The following FHOD3 variants were observed in gnomAD, a reference collection of about 807,000 sequenced individuals.
The protein encoded by FHOD3 is FH1/FH2 domain-containing protein 3.
A neutral mutation model predicts 173.0 loss-of-function variants in FHOD3; 90 were observed. The ratio of observed to expected loss-of-function variants is 0.52; its 90% confidence interval spans 0.44 to 0.62. The LOEUF (loss-of-function observed/expected upper bound fraction) is 0.62. FHOD3 is among the 20% of genes least tolerant of loss of function. FHOD3 has a pLI of 0.00. For synonymous variants in FHOD3, 828 were observed against 823.0 expected (o/e 1.01, Z -0.10); for missense variants, 1,945 against 2,034.7 (o/e 0.96, Z 0.85).
At chr18:36,638,199 C>T (rs2035028360) in intron 10 of FHOD3, among the ~76,000 whole-genome samples, 1 of 152,170 alleles carries the variant, frequency 6.6e-6, no homozygotes, top group East Asian at 1.9e-4. Context: ...CAGAAAACCT[C>T]CTCAGGCATT....
intron 3 of FHOD3, among the ~76,000 whole-genome samples, chr18:36,403,860 A>C (rs773068695): frequency 6.6e-6 from 1 of 152,176 alleles, no homozygotes; most frequent in Non-Finnish European, 1.5e-5. Flanking sequence ...GGTGTCCTTT[A>C]AAAGTTTTTC....
rs1360946706 is a variant in FHOD3, at chr18:36,499,834, G to A, written c.338-2098G>A. The stretch of plus-strand genomic sequence containing the variant: ...CTAGGCTCCTACTTTTTAGAAAGGT[G>A]ATGCATTTTTCTCTTAATCACAACT... On this transcript the variant is annotated intron_variant, in intron 3 of 28. Transcript: ENST00000590592. Among the ~76,000 whole-genome samples, 4 of 152,080 alleles carry A rather than the reference G, an allele frequency of 2.6e-5. No homozygotes were observed. In the East Asian group the frequency reaches 7.7e-4, roughly 29 times the overall value.
chr18:36,385,198 T>C lies in FHOD3; in HGVS notation c.337+12454T>C, dbSNP rs570940914. Among the ~76,000 whole-genome samples, 10 of 152,362 alleles carry C rather than the reference T, an allele frequency of 6.6e-5. No homozygotes were observed. In the East Asian group the frequency reaches 1.7e-3, roughly 26 times the overall value. ...ACCAAGTAACGCCCAATTAATGTGT[T>C]TAAAATGTGTTTTAGCTACTATCCT... On this transcript the variant is annotated intron_variant, in intron 3 of 28. Transcript: ENST00000590592.
rs115398999 is a variant in FHOD3, at chr18:36,407,909, A to G, written c.337+35165A>G. ...CTGAGTGAGAGCTAGTAGATGATCA[A>G]TGATTGTTACATAGTTTTCAAGCTG... is the stretch of plus-strand genomic sequence containing the variant. On this transcript the variant is annotated intron_variant, in intron 3 of 28. Transcript: ENST00000590592. Among the ~76,000 whole-genome samples, 1,107 of 152,360 alleles carry G rather than the reference A, an allele frequency of 7.3e-3. 14 individuals carry two copies. The highest frequency in any genetic ancestry group is 0.025 in the African/African-American group (1,031 of 41,578).
chr18:36,435,356 A>G (rs1485186921), intron 3 of FHOD3, among the ~76,000 whole-genome samples: 2 of 152,154 alleles, frequency 1.3e-5, no homozygotes, highest in Admixed American at 6.5e-5. Context: ...TAGTATTTAC[A>G]TGTAAAACAA....
chr18:36,398,151 G>T (rs1200575197), intron 3 of FHOD3, among the ~76,000 whole-genome samples: 1 of 152,152 alleles, frequency 6.6e-6, no homozygotes, highest in East Asian at 1.9e-4. Flanking sequence ...GAATAAATAT[G>T]CAGGAAGTTA....
At chr18:36,552,674 A>G (rs1192125165) in intron 5 of FHOD3, among the ~76,000 whole-genome samples, 1 of 151,522 alleles carries the variant, frequency 6.6e-6, no homozygotes. Context: ...AATTTTTTGT[A>G]TTTTTAGTAG....
intron 16 of FHOD3, among the ~76,000 whole-genome samples, chr18:36,688,994 C>T (rs1046371689): frequency 6.6e-6 from 1 of 152,288 alleles, no homozygotes; most frequent in African/African-American, 2.4e-5. Flanking sequence ...GAGTGTGCTC[C>T]CCAGGCCCAC....
chr18:36,311,455 C>G (rs529127563), intron 1 of FHOD3, among the ~76,000 whole-genome samples: 2 of 152,272 alleles, frequency 1.3e-5, no homozygotes, highest in Middle Eastern at 3.4e-3. Flanking sequence ...GTCAGACAGA[C>G]CTGAGCTCCG....
At chr18:36,599,352 G>A (rs2030998525) in intron 7 of FHOD3, among the ~76,000 whole-genome samples, 1 of 152,168 alleles carries the variant, frequency 6.6e-6, no homozygotes, top group Admixed American at 6.5e-5. Context: ...AAGAATTCCT[G>A]CTATCACGCA....
intron 5 of FHOD3, among the ~76,000 whole-genome samples, chr18:36,556,620 T>G (rs2057897496): frequency 6.6e-6 from 1 of 152,228 alleles, no homozygotes; most frequent in South Asian, 2.1e-4. Context: ...TCTTTGTGCC[T>G]GTTGTCATAC....
At position 36,753,294 on chromosome 18, in the gene FHOD3, G is replaced by T. The variant is rs539211919; in HGVS notation, c.4233-1825G>T. The stretch of plus-strand genomic sequence containing the variant: ...CCTGCACACTACACATGGTGTCTGG[G>T]GCTCTGAGGTGGGCTTTTTCAGGGA... On this transcript the variant is annotated intron_variant, in intron 24 of 28. Transcript: ENST00000590592. 1.3e-3 allele frequency among the ~76,000 whole-genome samples: 196 copies of T among 152,280 alleles called. 1 individual carries two copies. The highest frequency in any genetic ancestry group is 4.1e-3 in the African/African-American group (171 of 41,566).
chr18:36,523,624 G>A (rs2056379054), intron 5 of FHOD3, among the ~76,000 whole-genome samples: 1 of 152,178 alleles, frequency 6.6e-6, no homozygotes. Flanking sequence ...TTTCAAACAG[G>A]TGTGTGGCAG....
intron 8 of FHOD3, among the ~76,000 whole-genome samples, chr18:36,607,011 C>G (rs1050668221): frequency 6.6e-6 from 1 of 152,224 alleles, no homozygotes; most frequent in South Asian, 2.1e-4. Context: ...CTTCAGCTCT[C>G]CTGGGTTGGA....
At chr18:36,521,038 A>G (rs539855282) in intron 5 of FHOD3, among the ~76,000 whole-genome samples, 1 of 152,344 alleles carries the variant, frequency 6.6e-6, no homozygotes, top group South Asian at 2.1e-4. Context: ...ATCCAGCTTT[A>G]TGATAGAAGA....
Position 36,589,570 on chromosome 18 carries a change from C to T in FHOD3, c.607-5217C>T, listed in dbSNP as rs1025211070. 3.3e-5 allele frequency among the ~76,000 whole-genome samples: 5 copies of T among 152,242 alleles called. No individual in the cohort carries two copies. In the East Asian group the frequency reaches 5.8e-4, roughly 18 times the overall value. The stretch of plus-strand genomic sequence containing the variant: ...CTGTTTGCATCTGTCCTCAGCAACC[C>T]GGCACTCAAGACGCTGTTGAAAGTA... On this transcript the variant is annotated intron_variant, in intron 6 of 28. Coordinates refer to ENST00000590592, the MANE Select transcript of FHOD3 (RefSeq NM_001281740.3).
intron 3 of FHOD3, among the ~76,000 whole-genome samples, chr18:36,435,675 A>C (rs1042167313): frequency 2.6e-5 from 4 of 152,220 alleles, no homozygotes; most frequent in Non-Finnish European, 5.9e-5. Flanking sequence ...AGCAACCCAT[A>C]GAACAAATGG....
chr18:36,513,402 C>T (rs1342696927), intron 5 of FHOD3, among the ~76,000 whole-genome samples: 2 of 152,218 alleles, frequency 1.3e-5, no homozygotes, highest in South Asian at 2.1e-4. Flanking sequence ...CAGCTGTGCC[C>T]AGGCACTGAG....
intron 17 of FHOD3, among the ~76,000 whole-genome samples, chr18:36,700,025 A>G (rs1455893889): frequency 6.6e-6 from 1 of 151,976 alleles, no homozygotes; most frequent in African/African-American, 2.4e-5. Context: ...TTGTTTTCTC[A>G]ACATTTGTCT....
Sources: allele counts gnomAD v4.1 joint callset (sites outside exome capture counted in the v4.1 genomes callset), GRCh38; gene constraint gnomAD v4.1.1; transcripts MANE v1.5; gene names NCBI Gene and HGNC (gene_info 2026-07-23, HGNC 2026-07-21).